Variants in TCF20 observed in about 807,000 individuals in gnomAD.
The protein encoded by TCF20 is transcription factor 20.
A neutral mutation model predicts 148.6 loss-of-function variants in TCF20; 3 were observed. That is an observed-to-expected ratio of 0.02 (90% CI 0.01 to 0.05). The LOEUF is 0.05. Ranked by LOEUF, TCF20 falls within the 10% of genes least tolerant of loss-of-function variation. The pLI is 1.00. For synonymous variants in TCF20, 1,049 were observed against 909.5 expected (o/e 1.15, Z -2.76); for missense variants, 2,350 against 2,429.3 (o/e 0.97, Z 0.69).
At chr22:42,251,712 A>G (rs1925386598) in intron 1 of TCF20, among the ~76,000 whole-genome samples, 1 of 150,944 alleles carries the variant, frequency 6.6e-6, no homozygotes, top group Admixed American at 6.6e-5. Context: ...CATGTTGGCC[A>G]GGCTGGTCTC....
intron 1 of TCF20, among the ~76,000 whole-genome samples, chr22:42,217,116 T>C (rs1158389205): frequency 1.3e-5 from 2 of 152,168 alleles, no homozygotes; most frequent in Non-Finnish European, 2.9e-5. Flanking sequence ...ATTTATCCTC[T>C]CCAATCCCTG....
chr22:42,244,276 T>C (rs138614725), intron 1 of TCF20, among the ~76,000 whole-genome samples: 348 of 152,296 alleles, frequency 2.3e-3, no homozygotes, highest in African/African-American at 7.7e-3. Context: ...AGCAACTCCA[T>C]TCCTAGGTAT....
At chr22:42,206,706 G>C (rs1487340747) in intron 2 of TCF20, among the ~76,000 whole-genome samples, 1 of 152,150 alleles carries the variant, frequency 6.6e-6, no homozygotes, top group Non-Finnish European at 1.5e-5. Flanking sequence ...CCGTAATTGG[G>C]AGATAGGGGA....
intron 1 of TCF20, chr22:42,278,783 C>T (rs1453991967): frequency 4.6e-5 from 7 of 152,284 alleles, no homozygotes. Context: ...AATACGATGA[C>T]CATCCCCATG....
At chr22:42,259,439 G>C (rs1042023601) in intron 1 of TCF20, among the ~76,000 whole-genome samples, 1 of 152,130 alleles carries the variant, frequency 6.6e-6, no homozygotes, top group African/African-American at 2.4e-5. Flanking sequence ...CTCCTAGGCT[G>C]GAATTATGAT....
At chr22:42,166,244 A>G (rs1416846443) in intron 5 of TCF20, among the ~76,000 whole-genome samples, 1 of 152,216 alleles carries the variant, frequency 6.6e-6, no homozygotes, top group Admixed American at 6.5e-5. Flanking sequence ...TGGACCTGAG[A>G]CGACTCTCTT....
intron 1 of TCF20, among the ~76,000 whole-genome samples, chr22:42,220,771 C>T (rs1292535409): frequency 6.6e-6 from 1 of 152,132 alleles, no homozygotes; most frequent in Admixed American, 6.5e-5. Context: ...TCTCCTGGCT[C>T]CCACCCCGAG....
intron 1 of TCF20, among the ~76,000 whole-genome samples, chr22:42,228,942 CTT>C (rs1923150055): frequency 6.6e-6 from 1 of 152,124 alleles, no homozygotes; most frequent in African/African-American, 2.4e-5. Flanking sequence ...TTTTGTGAAA[CTT>C]TTGTTTCTGT....
In TCF20 at chr22:42,213,347, G is replaced by A. The variant is rs1156274287; in HGVS notation, c.1959C>T (p.Pro653=). ...GAKETSHASL[P]QPEPPGGGGS... is the part of the protein sequence containing the mutation. Reference sequence around the variant, plus strand: ...CTCCTCCTCCTGGAGGCTCTGGCTGGGGAAGTGATGCATGACTGGTTTCCT... The same window carrying A: ...CTCCTCCTCCTGGAGGCTCTGGCTGAGGAAGTGATGCATGACTGGTTTCCT... Residue 653 remains proline (P), a synonymous_variant, in exon 2 of 6, where the codon CCC becomes CCT. Transcript: ENST00000677622. 6.2e-7 allele frequency: 1 copy of A among 1,614,126 alleles called. No individual in the cohort carries two copies. Among genetic ancestry groups the A allele is most frequent in the African/African-American group, 1.3e-5 (1 of 75,026 alleles).
rs745858743 is a variant in TCF20 at position 42,210,528 on chromosome 22, G to A, written c.4778C>T (p.Pro1593Leu). Residue 1593 changes from proline (P) to leucine (L), a missense_variant, in exon 2 of 6, where the codon CCG (proline) becomes CTG (leucine). Pro to Leu is a moderately conservative substitution (Grantham distance 98). This residue lies in a region of TCF20 where 374 missense variants were observed against 398.3 expected (regional missense o/e 0.94). Transcript: ENST00000677622. This position sits in a 1 kb window ranked among gnomAD's most constrained non-coding sequence, Gnocchi z 4.7. ...TGCTTGTTTGGTTTTTCGCTTCCTC[G>A]GCTGGGCCCCAGGCTTCCTTCTCTC... Reference protein sequence around the residue: ...RRERRKPGAQPRKRKTKQAVP... With the variant: ...RRERRKPGAQLRKRKTKQAVP... The A allele has an allele frequency of 4.3e-6, 7 of 1,614,004 alleles. No individual in the cohort carries two copies. The highest frequency in any genetic ancestry group is 5.9e-6 in the Non-Finnish European group (7 of 1,180,024).
chr22:42,200,353 T>C (rs532778097), intron 2 of TCF20, among the ~76,000 whole-genome samples: 1 of 152,172 alleles, frequency 6.6e-6, no homozygotes, highest in South Asian at 2.1e-4. Flanking sequence ...GTGTTTAAAA[T>C]CTATCAACTT....
rs1348778838 is a variant in TCF20 at position 42,198,855 on chromosome 22, G to C, written c.5655+10796C>G. 2.6e-5 allele frequency among the ~76,000 whole-genome samples: 4 copies of C among 152,104 alleles called. No homozygotes were observed. The East Asian group carries it at 5.8e-4, about 22-fold the overall frequency. ...TTTTTTTGTATTTTTAGTAGAGACA[G>C]GGTTTCACTGTGTTGGCCAGGCTGG... On this transcript the variant is annotated intron_variant, in intron 2 of 5. Coordinates refer to ENST00000677622, the MANE Select transcript of TCF20 (RefSeq NM_001378418.1).
intron 1 of TCF20, among the ~76,000 whole-genome samples, chr22:42,318,734 A>G (rs1927680056): frequency 6.6e-6 from 1 of 152,332 alleles, no homozygotes; most frequent in South Asian, 2.1e-4. Context: ...TTATGAGGGC[A>G]CTGCTGTCTC....
intron 1 of TCF20, among the ~76,000 whole-genome samples, chr22:42,224,315 C>T (rs1282305423): frequency 1.3e-5 from 2 of 151,496 alleles, no homozygotes; most frequent in African/African-American, 4.9e-5. Context: ...ACTAAAAATA[C>T]AAAAAAATTA....
intron 1 of TCF20, among the ~76,000 whole-genome samples, chr22:42,337,775 C>A (rs1393424249): frequency 6.6e-6 from 1 of 152,258 alleles, no homozygotes; most frequent in Non-Finnish European, 1.5e-5. Flanking sequence ...AGTCACCTAT[C>A]CATCCACATC....
At chr22:42,340,584 C>T (rs1369252704) in intron 1 of TCF20, among the ~76,000 whole-genome samples, 1 of 152,136 alleles carries the variant, frequency 6.6e-6, no homozygotes, top group East Asian at 1.9e-4. Context: ...AGGATCTGCC[C>T]AGCCTTCATT....
chr22:42,182,148 TG>T (rs1936809246), intron 2 of TCF20, among the ~76,000 whole-genome samples: 3 of 152,150 alleles, frequency 2.0e-5, no homozygotes, highest in Admixed American at 1.3e-4. Flanking sequence ...ACAGGAAACT[TG>T]GGTGCTGCTG....
At chr22:42,197,408 C>T (rs1051897384) in intron 2 of TCF20, among the ~76,000 whole-genome samples, 9 of 151,654 alleles carry the variant, frequency 5.9e-5, no homozygotes, top group East Asian at 5.8e-4. Context: ...CTGCAAGCTC[C>T]GCCTCCCGGG....
intron 5 of TCF20, among the ~76,000 whole-genome samples, chr22:42,164,077 T>C (rs1326554678): frequency 6.6e-6 from 1 of 152,130 alleles, no homozygotes; most frequent in East Asian, 1.9e-4. Context: ...CATTTCCTCA[T>C]TTCTAAAACA....
Sources: allele counts gnomAD v4.1 joint callset (sites outside exome capture counted in the v4.1 genomes callset), GRCh38; gene constraint gnomAD v4.1.1; regional missense constraint gnomAD v4.1.1; non-coding constraint Gnocchi (gnomAD v3.1); transcripts MANE v1.5; gene names NCBI Gene and HGNC (gene_info 2026-07-23, HGNC 2026-07-21).